Variants in PLEKHA5 observed in about 807,000 individuals in gnomAD.
The protein encoded by PLEKHA5 is pleckstrin homology domain containing A5.
PLEKHA5 carries 55 observed loss-of-function variants against 181.9 expected under a neutral mutation model. That is an observed-to-expected ratio of 0.30 (90% CI 0.24 to 0.38). The LOEUF is 0.38. Ranked by LOEUF, PLEKHA5 falls within the 10% of genes least tolerant of loss-of-function variation. The pLI is 1.00. For synonymous variants in PLEKHA5, 535 were observed against 529.4 expected, an observed-to-expected ratio of 1.01 and a Z score of -0.15; for missense variants, 1,432 against 1,549.5, an observed-to-expected ratio of 0.92 and a Z score of 1.27.
intron 10 of PLEKHA5, among the ~76,000 whole-genome samples, chr12:19,270,739 C>G (rs999689795): frequency 2.6e-5 from 4 of 152,106 alleles, no homozygotes; most frequent in African/African-American, 9.7e-5. Flanking sequence ...AATTTTTCTT[C>G]CAGTCAGTGA....
intron 13 of PLEKHA5, among the ~76,000 whole-genome samples, chr12:19,290,004 G>A (rs1421400663): frequency 6.6e-6 from 1 of 151,948 alleles, no homozygotes; most frequent in African/African-American, 2.4e-5. Flanking sequence ...ATGCAATGGC[G>A]TGATCTCGGC....
At chr12:19,307,249 G>A (rs7138194) in intron 15 of PLEKHA5, 39,480 of 494,112 alleles carry the variant, frequency 0.08, 1,869 homozygotes, top group Middle Eastern at 0.17. Flanking sequence ...GAGGAGGGTG[G>A]ATCACTTGAG....
chr12:19,364,774 T>C (rs2095371815), intron 29 of PLEKHA5, among the ~76,000 whole-genome samples: 1 of 151,766 alleles, frequency 6.6e-6, no homozygotes, highest in African/African-American at 2.4e-5. Flanking sequence ...CAAGCAGTTC[T>C]CCTGCCTCAG....
intron 15 of PLEKHA5, among the ~76,000 whole-genome samples, chr12:19,308,678 A>G (rs753814433): frequency 3.9e-5 from 6 of 152,132 alleles, no homozygotes; most frequent in Non-Finnish European, 7.3e-5. Flanking sequence ...AAATCCTCCA[A>G]CATGATGGAT....
intron 15 of PLEKHA5, among the ~76,000 whole-genome samples, chr12:19,312,032 A>G (rs2086727858): frequency 6.6e-6 from 1 of 152,188 alleles, no homozygotes; most frequent in Non-Finnish European, 1.5e-5. Flanking sequence ...AACCACATTC[A>G]TCCACTTACA....
chr12:19,352,119 C>T (rs558387824), intron 25 of PLEKHA5, among the ~76,000 whole-genome samples: 7 of 147,110 alleles, frequency 4.8e-5, no homozygotes, highest in East Asian at 4.1e-4. Flanking sequence ...CCTAGTGGCA[C>T]GCGCTTGTAA....
chr12:19,307,169 C>G, intron 15 of PLEKHA5: 1 of 732,596 alleles, frequency 1.4e-6, no homozygotes, highest in Non-Finnish European at 2.5e-6. Context: ...TCGGATACCT[C>G]TAGTAAAGAA....
chr12:19,179,197 A>G (rs769858460), intron 3 of PLEKHA5, among the ~76,000 whole-genome samples: 9 of 152,188 alleles, frequency 5.9e-5, no homozygotes, highest in Admixed American at 1.3e-4. Flanking sequence ...TCTTTTTATT[A>G]TTCCATTTTT....
chr12:19,171,839 A>C (rs1286127088), intron 3 of PLEKHA5, among the ~76,000 whole-genome samples: 2 of 152,206 alleles, frequency 1.3e-5, no homozygotes, highest in East Asian at 3.9e-4. Flanking sequence ...GTTAAGAACT[A>C]AGGCACAAAC....
At chr12:19,299,646 G>A (rs2080906901) in intron 15 of PLEKHA5, among the ~76,000 whole-genome samples, 1 of 152,182 alleles carries the variant, frequency 6.6e-6, no homozygotes, top group South Asian at 2.1e-4. Flanking sequence ...ATTTGTAACA[G>A]AGTAGTAATG....
At chr12:19,326,165 A>G (rs911085376) in intron 20 of PLEKHA5, among the ~76,000 whole-genome samples, 1 of 152,186 alleles carries the variant, frequency 6.6e-6, no homozygotes, top group South Asian at 2.1e-4. Flanking sequence ...GTTATGACAA[A>G]CCCTCAGAAT....
intron 26 of PLEKHA5, among the ~76,000 whole-genome samples, chr12:19,357,526 G>A (rs978631284): frequency 2.0e-5 from 3 of 152,072 alleles, no homozygotes; most frequent in Admixed American, 1.3e-4. Flanking sequence ...GATTATAGGC[G>A]TGAGCCACTG....
rs2034237992 is a variant in PLEKHA5, at chr12:19,132,549, G to A, written c.227+99G>A. 4 of 694,524 alleles carry A rather than the reference G, an allele frequency of 5.8e-6. No individual in the cohort carries two copies. In the East Asian group the frequency reaches 1.1e-4, roughly 20 times the overall value. The allele number at this position is 694,524 out of a possible 1,614,324, so 43.0% of individuals were successfully genotyped here. A position where few individuals can be genotyped will look rare whatever the true frequency, so the allele number is the denominator to read the frequency against. On this transcript the variant is annotated intron_variant, in intron 3 of 31. Coordinates refer to ENST00000429027, the MANE Select transcript of PLEKHA5 (RefSeq NM_001256470.2). ...TGTCCAGTCTTGATCATGATTTTCT[G>A]AAGTTTATCATATAATGGTGACTGT...
Position 19,172,356 on chromosome 12 carries a change from T to C in PLEKHA5, c.227+39906T>C, listed in dbSNP as rs766258653. 8.5e-5 allele frequency among the ~76,000 whole-genome samples: 13 copies of C among 152,164 alleles called. 1 individual carries two copies. Among genetic ancestry groups the C allele is most frequent in the South Asian group, 4.1e-4 (2 of 4,822 alleles). ...TCTGTTGTTGACCAAAATGTCATTA[T>C]GTGGTTCATGACTATATTTGCAGTT... On this transcript the variant is annotated intron_variant, in intron 3 of 31. Transcript: ENST00000429027.
chr12:19,248,488 A>G (rs2064363183), intron 3 of PLEKHA5, among the ~76,000 whole-genome samples: 1 of 151,906 alleles, frequency 6.6e-6, no homozygotes, highest in Non-Finnish European at 1.5e-5. Flanking sequence ...TTAATACCAT[A>G]TTTTTTAATG....
intron 3 of PLEKHA5, among the ~76,000 whole-genome samples, chr12:19,226,892 A>G (rs1407699393): frequency 6.6e-6 from 1 of 152,152 alleles, no homozygotes; most frequent in African/African-American, 2.4e-5. Flanking sequence ...CAATTTAGGA[A>G]TCAAAGAGTT....
Position 19,354,511 on chromosome 12 carries a change from C to T in PLEKHA5, c.3138+509C>T, listed in dbSNP as rs182997848. Reference sequence around the variant, plus strand: ...TTTTTTTTTTTTTGAGATGGAGTCTCGCTCTCTCGCCTGGGCTGGAGTGCA... The same window carrying T: ...TTTTTTTTTTTTTGAGATGGAGTCTTGCTCTCTCGCCTGGGCTGGAGTGCA... On this transcript the variant is annotated intron_variant, in intron 26 of 31. Coordinates refer to ENST00000429027, the MANE Select transcript of PLEKHA5 (RefSeq NM_001256470.2). Among the ~76,000 whole-genome samples, 882 of 142,836 alleles carry T rather than the reference C, an allele frequency of 6.2e-3. 9 individuals carry two copies. The highest frequency in any genetic ancestry group is 0.022 in the African/African-American group (851 of 38,212). 93.7% of individuals were successfully genotyped at this position (142,836 alleles called of 152,430 possible). A position where few individuals can be genotyped will look rare whatever the true frequency, so the allele number is the denominator to read the frequency against.
intron 3 of PLEKHA5, chr12:19,154,579 G>A (rs555652159): frequency 1.3e-4 from 20 of 152,270 alleles, no homozygotes; most frequent in African/African-American, 4.3e-4. Context: ...CATAATTTTG[G>A]AAGAAGTAAT....
chr12:19,164,442 A>G (rs2151539197), intron 3 of PLEKHA5, among the ~76,000 whole-genome samples: 1 of 151,776 alleles, frequency 6.6e-6, no homozygotes, highest in Non-Finnish European at 1.5e-5. Context: ...TGATCCACTC[A>G]CCTCAGCCTC....
Sources: gnomAD v4.1 joint callset for allele counts (sites outside exome capture counted in the v4.1 genomes callset) on GRCh38, gnomAD v4.1.1 for gene constraint, MANE v1.5 for transcripts, NCBI Gene and HGNC (gene_info 2026-07-23, HGNC 2026-07-21) for gene names.